Variants in POLR1D observed in about 807,000 individuals in gnomAD.
POLR1D encodes the protein DNA-directed RNA polymerases I and III subunit RPAC2.
Under a neutral mutation model 10.8 loss-of-function variants are expected in POLR1D, and 8 were observed. The ratio of observed to expected loss-of-function variants is 0.74; its 90% confidence interval spans 0.43 to 1.33. The LOEUF is 1.33. Among genes scored for constraint, POLR1D ranks in the 40% most tolerant of loss-of-function variants. POLR1D has a pLI of 0.01. For missense variants in POLR1D, 152 were observed against 161.7 expected (o/e 0.94, Z 0.32); for synonymous variants, 54 against 57.2 (o/e 0.94, Z 0.25).
intron 2 of POLR1D, chr13:27,651,120 A>G (rs560377188): frequency 6.6e-6 from 1 of 152,304 alleles, no homozygotes; most frequent in South Asian, 2.1e-4. Context: ...ATCCTTGTCA[A>G]AAAATTGAAC....
exon 3 of POLR1D, chr13:27,666,116 CT>C (rs1190360910): frequency 2.3e-4 from 144 of 635,630 alleles, no homozygotes; most frequent in African/African-American, 2.0e-3. Context: ...AAAAAATGAC[CT>C]AGCAACTCTT....
intron 1 of POLR1D, among the ~76,000 whole-genome samples, chr13:27,643,345 C>T (rs564549829): frequency 1.8e-4 from 27 of 152,204 alleles, no homozygotes; most frequent in Admixed American, 5.2e-4. Context: ...TCTTTAAAAA[C>T]GCTTTTCACA....
chr13:27,651,082 A>T (rs1247504352), intron 2 of POLR1D: 1 of 152,242 alleles, frequency 6.6e-6, no homozygotes, highest in Non-Finnish European at 1.5e-5. Flanking sequence ...AGAAAGATGC[A>T]AGAAGAGCAA....
intron 2 of POLR1D, among the ~76,000 whole-genome samples, chr13:27,654,315 C>T (rs1027533919): frequency 6.6e-6 from 1 of 152,190 alleles, no homozygotes; most frequent in Admixed American, 6.5e-5. Flanking sequence ...GTAACATCAT[C>T]ATTGGTCATC....
At chr13:27,636,117 T>C (rs1254547963) in intron 1 of POLR1D, among the ~76,000 whole-genome samples, 1 of 152,166 alleles carries the variant, frequency 6.6e-6, no homozygotes, top group Non-Finnish European at 1.5e-5. Context: ...ACACATCACA[T>C]AGCATTGGGA....
intron 2 of POLR1D, among the ~76,000 whole-genome samples, chr13:27,662,123 T>C (rs544641513): frequency 2.0e-5 from 3 of 152,352 alleles, no homozygotes; most frequent in African/African-American, 4.8e-5. Context: ...ACTCTGTTCT[T>C]GATTAACTTA....
At chr13:27,651,525 G>T (rs1289647975) in intron 2 of POLR1D, 1 of 152,066 alleles carries the variant, frequency 6.6e-6, no homozygotes, top group Non-Finnish European at 1.5e-5. Flanking sequence ...ATTTATGGAT[G>T]AAATTATATA....
intron 2 of POLR1D, among the ~76,000 whole-genome samples, chr13:27,661,436 G>GT (rs1366270547): frequency 6.6e-6 from 1 of 152,070 alleles, no homozygotes; most frequent in African/African-American, 2.4e-5. Flanking sequence ...TGAGAAAGTC[G>GT]CCCCCCAGGT....
At chr13:27,650,354 T>G (rs1478960176) in intron 2 of POLR1D, 1 of 298,240 alleles carries the variant, frequency 3.4e-6, no homozygotes, top group Non-Finnish European at 6.2e-6. Flanking sequence ...TTTATTGAGG[T>G]TTCATTACAT....
intron 2 of POLR1D, among the ~76,000 whole-genome samples, chr13:27,659,923 T>TAC (rs1468514034): frequency 3.0e-4 from 45 of 150,156 alleles, no homozygotes; most frequent in African/African-American, 1.1e-3. Context: ...TATATATATA[T>TAC]ATACACACAC....
At chr13:27,638,299 C>T (rs1160795770) in intron 1 of POLR1D, among the ~76,000 whole-genome samples, 1 of 152,238 alleles carries the variant, frequency 6.6e-6, no homozygotes, top group Admixed American at 6.5e-5. Flanking sequence ...GCTTTCTCTT[C>T]TTCCCATCTC....
At chr13:27,665,879 G>T in exon 3 of POLR1D, 4 of 1,614,146 alleles carry the variant, frequency 2.5e-6, no homozygotes, top group Non-Finnish European at 3.4e-6. Context: ...CCGCGCTCGA[G>T]GTTCCGCCAG....
chr13:27,626,030 G>C (rs1956005477), downstream of POLR1D, among the ~76,000 whole-genome samples: 1 of 152,176 alleles, frequency 6.6e-6, no homozygotes, highest in African/African-American at 2.4e-5. Flanking sequence ...ATAGGGCAAG[G>C]ATACAGCATA....
intron 2 of POLR1D, among the ~76,000 whole-genome samples, chr13:27,659,239 G>A (rs1956335278): frequency 6.6e-6 from 1 of 152,206 alleles, no homozygotes; most frequent in Admixed American, 6.5e-5. Context: ...ATGGACAGCA[G>A]TAAAGAAGAC....
At chr13:27,645,859 A>G (rs1377000410) in intron 1 of POLR1D, among the ~76,000 whole-genome samples, 1 of 152,174 alleles carries the variant, frequency 6.6e-6, no homozygotes, top group Non-Finnish European at 1.5e-5. Flanking sequence ...GCCAGGTAAA[A>G]TTAATAACAG....
intron 1 of POLR1D, 171 bp downstream of exon 1, chr13:27,622,180 G>T (rs560227649): frequency 1.4e-5 from 9 of 652,220 alleles, no homozygotes; most frequent in Non-Finnish European, 2.2e-5. Context: ...AGGCTGAGAG[G>T]TACACTAGCT....
At chr13:27,652,908 T>C (rs112719648) in intron 2 of POLR1D, among the ~76,000 whole-genome samples, 10,097 of 116,514 alleles carry the variant, frequency 0.087, 832 homozygotes, top group South Asian at 0.14. Flanking sequence ...GCATTTACCA[T>C]TTCTTTTTTT....
downstream of POLR1D, among the ~76,000 whole-genome samples, chr13:27,627,771 A>G (rs1288340130): frequency 7.0e-6 from 1 of 142,774 alleles, no homozygotes; most frequent in Non-Finnish European, 1.5e-5. Flanking sequence ...TGTGTGCAGA[A>G]TGGGTGAGTG....
chr13:27,658,025 T>C (rs1351499128), intron 2 of POLR1D, among the ~76,000 whole-genome samples: 1 of 152,214 alleles, frequency 6.6e-6, no homozygotes, highest in Non-Finnish European at 1.5e-5. Flanking sequence ...TCACCTGGTT[T>C]CCATTTATTT....
Sources: allele counts gnomAD v4.1 joint callset (sites outside exome capture counted in the v4.1 genomes callset), GRCh38; gene constraint gnomAD v4.1.1; transcripts MANE v1.5; gene names NCBI Gene and HGNC (gene_info 2026-07-23, HGNC 2026-07-21).